The following KIRREL1 variants were observed in gnomAD, a reference collection of about 807,000 sequenced individuals.
KIRREL1 encodes kin of IRRE-like protein 1.
Under a neutral mutation model 83.3 loss-of-function variants are expected in KIRREL1, and 25 were observed. The ratio of observed to expected loss-of-function variants is 0.30; its 90% confidence interval spans 0.22 to 0.42. KIRREL1 has a LOEUF of 0.42. Ranked by LOEUF, KIRREL1 falls within the 10% of genes least tolerant of loss-of-function variation. The pLI is 1.00. For synonymous variants in KIRREL1, 388 were observed against 410.4 expected, an observed-to-expected ratio of 0.95 and a Z score of 0.66; for missense variants, 812 against 1,032.3, an observed-to-expected ratio of 0.79 and a Z score of 2.92.
chr1:157,995,481 A>G (rs1659167697), intron 1 of KIRREL1, among the ~76,000 whole-genome samples: 1 of 143,724 alleles, frequency 7.0e-6, no homozygotes, highest in Admixed American at 6.9e-5. Context: ...GGGGTGGGCC[A>G]TGGTGGTGGT....
Position 158,087,868 on chromosome 1 carries a change from G to T in KIRREL1, c.767+8G>T. 1 of 1,612,800 alleles carries T rather than the reference G, an allele frequency of 6.2e-7. No homozygotes were observed. Among genetic ancestry groups the T allele is most frequent in the Non-Finnish European group, 8.5e-7 (1 of 1,178,934 alleles). ...CGAGATCTTGGGCTACAGGTGAGGG[G>T]GTCAGAGGCTGGGAGCGCTCTGGGG... On this transcript the variant is annotated splice_region_variant and intron_variant, in intron 6 of 14. Coordinates refer to ENST00000359209, the MANE Select transcript of KIRREL1 (RefSeq NM_018240.7).
intron 1 of KIRREL1, among the ~76,000 whole-genome samples, chr1:158,059,932 C>T (rs888634245): frequency 3.3e-5 from 5 of 151,964 alleles, no homozygotes; most frequent in Admixed American, 6.6e-5. Flanking sequence ...ACATTGGGTT[C>T]GGGGTTACTG....
intron 2 of KIRREL1, 98 bp from the exon 3 acceptor site, chr1:158,077,893 G>A: frequency 1.5e-6 from 2 of 1,353,732 alleles, no homozygotes; most frequent in South Asian, 1.3e-5. Context: ...ACCTGTCAGT[G>A]GTGTCCCAGG....
chr1:158,089,924 G>A (rs1011559746), intron 10 of KIRREL1, 106 bp downstream of exon 10: 25 of 899,362 alleles, frequency 2.8e-5, no homozygotes, highest in Admixed American at 6.1e-5. Flanking sequence ...TCCCTGTCCC[G>A]TTTCCATCCT....
chr1:158,001,321 A>C (rs1166360692), intron 1 of KIRREL1, among the ~76,000 whole-genome samples: 1 of 152,178 alleles, frequency 6.6e-6, no homozygotes, highest in Non-Finnish European at 1.5e-5. Context: ...TTTCAGTGCA[A>C]ATTACTTAAT....
At chr1:158,093,803 CCT>C in intron 13 of KIRREL1, 41 bp downstream of exon 13, 1 of 1,608,794 alleles carries the variant, frequency 6.2e-7, no homozygotes, top group South Asian at 1.1e-5. Context: ...CCTTCTCCAC[CCT>C]CTGAGGACCA....
intron 1 of KIRREL1, among the ~76,000 whole-genome samples, chr1:158,015,292 T>C (rs375490713): frequency 5.9e-5 from 9 of 152,124 alleles, no homozygotes; most frequent in African/African-American, 2.2e-4. Flanking sequence ...GGGGCCAAAA[T>C]AGCTAAGTAG....
At position 158,034,838 on chromosome 1, in the gene KIRREL1, C is replaced by G. The variant is rs192803419; in HGVS notation, c.52+41110C>G. Among the ~76,000 whole-genome samples the G allele has an allele frequency of 2.6e-5, 4 of 152,320 alleles. No homozygotes were observed. In the East Asian group the frequency reaches 7.7e-4, roughly 29 times the overall value. Reference sequence around the variant, plus strand: ...ATATTTTTGGATAATGTGGGGCCGTCTAGTTATTACTGAAAAATCACACGT... The same window carrying G: ...ATATTTTTGGATAATGTGGGGCCGTGTAGTTATTACTGAAAAATCACACGT... On this transcript the variant is annotated intron_variant, in intron 1 of 14. Transcript: ENST00000359209.
chr1:158,036,184 C>A (rs1474724330), intron 1 of KIRREL1, among the ~76,000 whole-genome samples: 2 of 152,048 alleles, frequency 1.3e-5, no homozygotes, highest in African/African-American at 4.8e-5. Context: ...AATGGCGCCC[C>A]CTGGAGCACA....
Position 158,006,535 on chromosome 1 carries a change from C to T in KIRREL1, c.52+12807C>T, listed in dbSNP as rs139666224. On this transcript the variant is annotated intron_variant, in intron 1 of 14. Coordinates refer to ENST00000359209, the MANE Select transcript of KIRREL1 (RefSeq NM_018240.7). ...CTGCCTCCTGGGCCCCGCGTGAGCCCAAGAAGTTTATCTTGTTAGGGGTCA... is the reference window on the plus strand; with the variant it reads ...CTGCCTCCTGGGCCCCGCGTGAGCCTAAGAAGTTTATCTTGTTAGGGGTCA... Among the ~76,000 whole-genome samples, 6 of 152,314 alleles carry T rather than the reference C, an allele frequency of 3.9e-5. No individual in the cohort carries two copies. In the East Asian group the frequency reaches 1.2e-3, roughly 29 times the overall value.
Position 158,095,042 on chromosome 1 carries a change from A to T in KIRREL1, c.2196A>T (p.Thr732=), listed in dbSNP as rs1037308244. 8 of 1,613,834 alleles carry T rather than the reference A, an allele frequency of 5.0e-6. No homozygotes were observed. Among genetic ancestry groups the T allele is most frequent in the Middle Eastern group, 3.3e-4 (2 of 6,060 alleles). Residue 732 remains threonine (T), a synonymous_variant, in exon 15 of 15, where the codon ACA becomes ACT. Coordinates refer to ENST00000359209, the MANE Select transcript of KIRREL1 (RefSeq NM_018240.7). Reference sequence around the variant, plus strand: ...ATGACCCCATTGGCAAGTACGCCACAGCCACTCGATTCTCCTACACCTCCC... The same window carrying T: ...ATGACCCCATTGGCAAGTACGCCACTGCCACTCGATTCTCCTACACCTCCC... ...EAYDPIGKYA[T]ATRFSYTSQH...
chr1:158,039,675 T>G (rs1660573762), intron 1 of KIRREL1, among the ~76,000 whole-genome samples: 2 of 152,352 alleles, frequency 1.3e-5, no homozygotes, highest in South Asian at 2.1e-4. Context: ...TTGAGCTCAG[T>G]TCTTTCCTTT....
At chr1:158,074,443 G>A (rs890234020) in intron 1 of KIRREL1, among the ~76,000 whole-genome samples, 1 of 152,168 alleles carries the variant, frequency 6.6e-6, no homozygotes, top group East Asian at 1.9e-4. Context: ...AGATTCAGAT[G>A]GGGGAGAGAG....
intron 1 of KIRREL1, among the ~76,000 whole-genome samples, chr1:158,005,411 T>G (rs67933558): frequency 0.043 from 6,504 of 152,134 alleles, 199 homozygotes; most frequent in Non-Finnish European, 0.062. Context: ...AGCCCCTCCC[T>G]GCCACCTCAC....
intron 1 of KIRREL1, among the ~76,000 whole-genome samples, chr1:158,061,172 G>A (rs781601191): frequency 1.3e-5 from 2 of 152,058 alleles, no homozygotes; most frequent in Non-Finnish European, 2.9e-5. Flanking sequence ...AGCAAAGGCT[G>A]CTCGTTGGAA....
Position 158,007,317 on chromosome 1 carries a change from G to A in KIRREL1, c.52+13589G>A, listed in dbSNP as rs77495098. Among the ~76,000 whole-genome samples, 1,106 of 152,276 alleles carry A rather than the reference G, an allele frequency of 7.3e-3. 20 individuals are homozygous for A. In the East Asian group the frequency reaches 0.082, roughly 11 times the overall value. On this transcript the variant is annotated intron_variant, in intron 1 of 14. Coordinates refer to ENST00000359209, the MANE Select transcript of KIRREL1 (RefSeq NM_018240.7). ...CGAGGGACGTTTCCTCAGAAGGGGT[G>A]GAGGGAAGGGAACCTGGGCCCAGGT...
chr1:158,051,968 C>A (rs72711935), intron 1 of KIRREL1, among the ~76,000 whole-genome samples: 14,501 of 152,246 alleles, frequency 0.095, 848 homozygotes, highest in Middle Eastern at 0.21. Flanking sequence ...TTCTCTTTAT[C>A]CACTGTCTTA....
At chr1:158,003,652 G>A (rs1351773101) in intron 1 of KIRREL1, among the ~76,000 whole-genome samples, 1 of 152,186 alleles carries the variant, frequency 6.6e-6, no homozygotes, top group Admixed American at 6.5e-5. Context: ...CTACATTGTG[G>A]TTGATGTTGG....
In KIRREL1 at chr1:158,037,489, CAAAAAAA is replaced by C. The variant is rs759200504; in HGVS notation, c.53-38607_53-38601del. ...GCCTGGCGACAAAGCAAGACTCTGG[CAAAAAAA>C]AAAAAAAAAAAAAAAAGGAAGGGGT... On this transcript the variant is annotated intron_variant, in intron 1 of 14. Transcript: ENST00000359209. Among the ~76,000 whole-genome samples the C allele has an allele frequency of 6.4e-4, 28 of 44,038 alleles. No homozygotes were observed. In the South Asian group the frequency reaches 0.021, roughly 33 times the overall value. 28.9% of individuals were successfully genotyped at this position (44,038 alleles called of 152,430 possible).
Sources: gnomAD v4.1 joint callset for allele counts (sites outside exome capture counted in the v4.1 genomes callset) on GRCh38, gnomAD v4.1.1 for gene constraint, MANE v1.5 for transcripts, NCBI Gene and HGNC (gene_info 2026-07-23, HGNC 2026-07-21) for gene names.